The following CCR3 variants were observed in gnomAD, a reference collection of about 807,000 sequenced individuals.
CCR3 encodes C-C motif chemokine receptor 3.
For synonymous variants in CCR3, 203 were observed against 179.2 expected, an observed-to-expected ratio of 1.13 and a Z score of -1.06; for missense variants, 419 against 437.5, an observed-to-expected ratio of 0.96 and a Z score of 0.38.
rs560758807 is a variant in CCR3, at chr3:46,214,484, T to C, written c.-68+3577T>C. On this transcript the variant is annotated intron_variant, in intron 2 of 3. Coordinates refer to the CCR3 transcript ENST00000357422. ...CATTATTCCTATCCGAGTTATTTAA[T>C]TTAGCAGCTTCATCTGGGACTCAGG... is the stretch of plus-strand genomic sequence containing the variant. Among the ~76,000 whole-genome samples, 4 of 152,282 alleles carry C rather than the reference T, an allele frequency of 2.6e-5. No homozygotes were observed. In the South Asian group the frequency reaches 8.3e-4, roughly 32 times the overall value.
chr3:46,233,957 G>A (rs1441964075), intron 2 of CCR3, among the ~76,000 whole-genome samples: 1 of 152,170 alleles, frequency 6.6e-6, no homozygotes, highest in Admixed American at 6.5e-5. Flanking sequence ...GCAACACAGG[G>A]GTAAGGTAGC....
intron 2 of CCR3, among the ~76,000 whole-genome samples, chr3:46,213,775 A>G (rs1056469646): frequency 6.6e-6 from 1 of 152,112 alleles, no homozygotes; most frequent in Non-Finnish European, 1.5e-5. Context: ...TGCCTCTAGC[A>G]CCTCAACTCC....
intron 1 of CCR3, among the ~76,000 whole-genome samples, chr3:46,261,692 C>T (rs918156849): frequency 2.0e-4 from 31 of 152,138 alleles, no homozygotes; most frequent in African/African-American, 5.1e-4. Context: ...ATGGCCAGTG[C>T]AGTTAAGTTG....
At chr3:46,263,516 G>A (rs1214424341) in intron 1 of CCR3, 2 of 153,672 alleles carry the variant, frequency 1.3e-5, no homozygotes, top group African/African-American at 2.4e-5. Flanking sequence ...AGTGGGAGAT[G>A]TACCTGGACA....
At chr3:46,225,464 C>A (rs558789354) in intron 2 of CCR3, among the ~76,000 whole-genome samples, 142 of 152,266 alleles carry the variant, frequency 9.3e-4, no homozygotes, top group Middle Eastern at 6.8e-3. Flanking sequence ...ATTGTAAGCA[C>A]GAATTTAGTT....
In CCR3 at chr3:46,265,312, A is replaced by G; in HGVS notation, c.154A>G (p.Asn52Asp). 2 of 1,614,054 alleles carry G rather than the reference A, an allele frequency of 1.2e-6. No homozygotes were observed. Among genetic ancestry groups the G allele is most frequent in the Non-Finnish European group, 1.7e-6 (2 of 1,180,008 alleles). ...GGTGTTCACTGTGGGCCTCTTGGGCAATGTGGTGGTGGTGATGATCCTCAT... is the reference window on the plus strand; with the variant it reads ...GGTGTTCACTGTGGGCCTCTTGGGCGATGTGGTGGTGGTGATGATCCTCAT... Reference protein sequence around the residue: ...SLVFTVGLLGNVVVVMILIKY... With the variant: ...SLVFTVGLLGDVVVVMILIKY... The change falls in exon 2 of 2, where the codon AAT becomes GAT. Residue 52 changes from asparagine (N) to aspartate (D), a missense_variant. By Grantham distance (23) the Asn-to-Asp change is conservative. Transcript: ENST00000395940.
chr3:46,247,542 C>G (rs1700220697), intron 1 of CCR3, among the ~76,000 whole-genome samples: 1 of 152,040 alleles, frequency 6.6e-6, no homozygotes, highest in Non-Finnish European at 1.5e-5. Flanking sequence ...AGACAGAGGA[C>G]TATAAGGGAT....
chr3:46,218,058 G>T (rs1261265523), intron 2 of CCR3, among the ~76,000 whole-genome samples: 1 of 151,546 alleles, frequency 6.6e-6, no homozygotes, highest in African/African-American at 2.4e-5. Context: ...AAGCAAAATC[G>T]ATAGACCATT....
At chr3:46,230,016 A>G (rs1470076366) in intron 2 of CCR3, among the ~76,000 whole-genome samples, 1 of 152,136 alleles carries the variant, frequency 6.6e-6, no homozygotes, top group Non-Finnish European at 1.5e-5. Context: ...ACACAAGACA[A>G]GGAAGTTGGA....
Position 46,266,417 on chromosome 3 carries a change from G to A in CCR3, c.*191G>A. On this transcript the variant is annotated 3_prime_UTR_variant, in exon 2 of 2. Transcript: ENST00000395940. The stretch of plus-strand genomic sequence containing the variant: ...CCTAAGGTCATTACCACAGGCCAGG[G>A]GCTGGGCAGCGTACTCATCATCAAC... 1.8e-6 allele frequency: 1 copy of A among 548,570 alleles called. No individual in the cohort carries two copies. 34.0% of individuals were successfully genotyped at this position (548,570 alleles called of 1,614,324 possible).
In CCR3 at chr3:46,243,294, C is replaced by T. The variant is rs115543490; in HGVS notation, c.-12+756C>T. 1.4e-3 allele frequency among the ~76,000 whole-genome samples: 213 copies of T among 152,090 alleles called. 1 individual carries two copies. Among genetic ancestry groups the T allele is most frequent in the African/African-American group, 4.8e-3 (200 of 41,478 alleles). ...GCTTGGTTTTTGCAACTTTGTGGAG[C>T]TTTTTCCCAGATATTTTTGATCCGT... On this transcript the variant is annotated intron_variant, in intron 1 of 1. Transcript: ENST00000395940.
intron 1 of CCR3, among the ~76,000 whole-genome samples, chr3:46,249,873 CT>C (rs56735026): frequency 0.29 from 43,024 of 149,292 alleles, 6,368 homozygotes; most frequent in African/African-American, 0.36. Context: ...GGAATTGCAA[CT>C]TTTTTTTTTT....
chr3:46,264,463 G>A (rs971593327), intron 1 of CCR3: 5 of 1,516,134 alleles, frequency 3.3e-6, no homozygotes, highest in African/African-American at 2.8e-5. Context: ...CAAGTCCGTA[G>A]CAAATTTTTC....
intron 2 of CCR3, among the ~76,000 whole-genome samples, chr3:46,215,874 C>T (rs1025714803): frequency 1.3e-5 from 2 of 152,164 alleles, no homozygotes; most frequent in Non-Finnish European, 2.9e-5. Flanking sequence ...TTGTAGGGAG[C>T]AGGCTCACTA....
chr3:46,220,314 C>A (rs1699821843), intron 2 of CCR3, among the ~76,000 whole-genome samples: 1 of 151,978 alleles, frequency 6.6e-6, no homozygotes. Context: ...GCAAGAATGG[C>A]CATAATTAAA....
chr3:46,258,526 A>G (rs182478851), intron 1 of CCR3, among the ~76,000 whole-genome samples: 95 of 152,220 alleles, frequency 6.2e-4, no homozygotes, highest in African/African-American at 2.2e-3. Flanking sequence ...TGTGGCCTTC[A>G]TTTTTATTTT....
chr3:46,245,662 G>A (rs1700175578), intron 1 of CCR3, among the ~76,000 whole-genome samples: 3 of 151,934 alleles, frequency 2.0e-5, no homozygotes, highest in Admixed American at 1.3e-4. Flanking sequence ...CATCACCCAG[G>A]TATTAAGCCT....
intron 1 of CCR3, among the ~76,000 whole-genome samples, chr3:46,258,509 T>C (rs1700467804): frequency 6.6e-6 from 1 of 152,200 alleles, no homozygotes; most frequent in South Asian, 2.1e-4. Context: ...TTGGGACATA[T>C]CTAAACTGTG....
chr3:46,234,709 T>C (rs1700005675), intron 2 of CCR3, among the ~76,000 whole-genome samples: 1 of 152,228 alleles, frequency 6.6e-6, no homozygotes, highest in Non-Finnish European at 1.5e-5. Context: ...CTGAATTCCA[T>C]ATTCCTGTCG....
Sources: gnomAD v4.1 joint callset for allele counts (sites outside exome capture counted in the v4.1 genomes callset) on GRCh38, gnomAD v4.1.1 for gene constraint, MANE v1.5 for transcripts, NCBI Gene and HGNC (gene_info 2026-07-23, HGNC 2026-07-21) for gene names.